The following METTL8 variants were observed in gnomAD, a reference collection of about 807,000 sequenced individuals.
The protein encoded by METTL8 is tRNA N(3)-cytidine methyltransferase METTL8, mitochondrial.
Under a neutral mutation model 48.7 loss-of-function variants are expected in METTL8, and 32 were observed. That is an observed-to-expected ratio of 0.66 (90% CI 0.50 to 0.88). The LOEUF (loss-of-function observed/expected upper bound fraction) is 0.88. Among genes scored for constraint, METTL8 ranks in the 40% least tolerant of loss-of-function variants. The pLI is 0.00. For missense variants in METTL8, 464 were observed against 474.4 expected, an observed-to-expected ratio of 0.98 and a Z score of 0.20; for synonymous variants, 136 against 157.1, an observed-to-expected ratio of 0.87 and a Z score of 1.01.
At chr2:171,388,644 T>C (rs1688299786) in intron 2 of METTL8, among the ~76,000 whole-genome samples, 1 of 152,222 alleles carries the variant, frequency 6.6e-6, no homozygotes, top group South Asian at 2.1e-4. Flanking sequence ...ATATCTTGTA[T>C]AATTATGCTT....
intron 1 of METTL8, among the ~76,000 whole-genome samples, chr2:171,411,222 C>A (rs929948397): frequency 6.6e-6 from 1 of 152,158 alleles, no homozygotes; most frequent in Non-Finnish European, 1.5e-5. Flanking sequence ...TAAATTCTCA[C>A]CAAATCATCT....
chr2:171,343,451 A>AAATAAAT (rs1686978712), intron 3 of METTL8, among the ~76,000 whole-genome samples: 1 of 151,774 alleles, frequency 6.6e-6, no homozygotes, highest in South Asian at 2.1e-4. Context: ...ATAAATAAAT[A>AAATAAAT]AATAAATAAA....
intron 3 of METTL8, among the ~76,000 whole-genome samples, chr2:171,350,582 G>C (rs1683801114): frequency 6.6e-6 from 1 of 152,180 alleles, no homozygotes; most frequent in South Asian, 2.1e-4. Flanking sequence ...CCCACCGACA[G>C]TTTAAAAGTG....
In METTL8 at chr2:171,379,201, T is replaced by C. The variant is rs183474363; in HGVS notation, c.143+12842A>G. Among the ~76,000 whole-genome samples the C allele has an allele frequency of 2.8e-3, 430 of 152,240 alleles. 6 individuals carry two copies. Among genetic ancestry groups the C allele is most frequent in the African/African-American group, 9.7e-3 (403 of 41,548 alleles). The stretch of plus-strand genomic sequence containing the variant: ...TTAAGGCAGAAATCAAAAACTTCTT[T>C]AAAACCAGTGAGAACAAAGAGACAA... On this transcript the variant is annotated intron_variant, in intron 2 of 9. Coordinates refer to ENST00000375258, the MANE Select transcript of METTL8 (RefSeq NM_001321154.2).
rs1684288693 is a variant in METTL8, at chr2:171,316,881, G to C, written c.*7291C>G. Among the ~76,000 whole-genome samples the C allele has an allele frequency of 6.6e-6, 1 of 152,090 alleles. No homozygotes were observed. Among genetic ancestry groups the C allele is most frequent in the Non-Finnish European group, 1.5e-5 (1 of 68,022 alleles). On this transcript the variant is annotated 3_prime_UTR_variant, in exon 10 of 10. Coordinates refer to ENST00000375258, the MANE Select transcript of METTL8 (RefSeq NM_001321154.2). ...AGTGCGAGTGCCAAATGCTGCTTAG[G>C]GGGATATGTCTCTGCTCACCTGAGG...
At chr2:171,385,763 A>C (rs1687991272) in intron 2 of METTL8, among the ~76,000 whole-genome samples, 1 of 152,216 alleles carries the variant, frequency 6.6e-6, no homozygotes, top group Non-Finnish European at 1.5e-5. Flanking sequence ...GAGAGGTGAG[A>C]GGGAAAAGGA....
rs547484267 is a variant in METTL8 at position 171,342,256 on chromosome 2, A to C, written c.236-2702T>G. Among the ~76,000 whole-genome samples, 9 of 152,358 alleles carry C rather than the reference A, an allele frequency of 5.9e-5. No homozygotes were observed. The East Asian group carries it at 1.7e-3, about 29-fold the overall frequency. On this transcript the variant is annotated intron_variant, in intron 3 of 9. Transcript: ENST00000375258. ...CCATCAAGGCTGAATTGTATCTGGC[A>C]GCAGGAATGCTATAAAGACTGAAAC...
At chr2:171,409,992 T>C (rs1690586185) in intron 1 of METTL8, among the ~76,000 whole-genome samples, 1 of 152,114 alleles carries the variant, frequency 6.6e-6, no homozygotes, top group South Asian at 2.1e-4. Context: ...CAGGAAACTA[T>C]ATAAACTTAA....
At chr2:171,354,025 C>T (rs961720917) in intron 3 of METTL8, among the ~76,000 whole-genome samples, 8 of 151,478 alleles carry the variant, frequency 5.3e-5, no homozygotes, top group East Asian at 3.9e-4. Context: ...GTTATTTTGC[C>T]CGTTAGTTGA....
intron 1 of METTL8, among the ~76,000 whole-genome samples, chr2:171,420,747 A>T (rs1478742665): frequency 6.6e-6 from 1 of 152,210 alleles, no homozygotes; most frequent in Non-Finnish European, 1.5e-5. Context: ...AATAGAAAGT[A>T]TATCAATGTA....
chr2:171,359,944 G>T (rs1421098384), intron 3 of METTL8, among the ~76,000 whole-genome samples: 1 of 152,100 alleles, frequency 6.6e-6, no homozygotes, highest in Non-Finnish European at 1.5e-5. Context: ...ATTTATGAAG[G>T]TTGGCAAGGC....
At chr2:171,379,074 C>T (rs748511998) in intron 2 of METTL8, among the ~76,000 whole-genome samples, 10 of 152,182 alleles carry the variant, frequency 6.6e-5, no homozygotes, top group Non-Finnish European at 1.0e-4. Flanking sequence ...GACCACATTA[C>T]AATCAAATTA....
chr2:171,323,968 C>G lies in METTL8; in HGVS notation c.*204G>C. 2.4e-6 allele frequency: 1 copy of G among 425,114 alleles called. No homozygotes were observed. The highest frequency in any genetic ancestry group is 4.1e-6 in the Non-Finnish European group (1 of 243,508). The allele number at this position is 425,114 out of a possible 1,614,324, so 26.3% of individuals were successfully genotyped here. A position where few individuals can be genotyped will look rare whatever the true frequency, so the allele number is the denominator to read the frequency against. On this transcript the variant is annotated 3_prime_UTR_variant, in exon 10 of 10. Coordinates refer to ENST00000375258, the MANE Select transcript of METTL8 (RefSeq NM_001321154.2). ...TAAATTCAAACAAGCTTGAGCATAT[C>G]AAGTTTTCAAAGCACAGAAAAAGGC...
upstream of METTL8, chr2:171,434,201 G>T (rs1316260441): frequency 1.1e-4 from 45 of 399,260 alleles, 1 homozygote; most frequent in Admixed American, 1.2e-3. Context: ...GCTCCCCGCC[G>T]CCTGACGGGA....
chr2:171,375,620 A>T (rs1292034919), intron 2 of METTL8, among the ~76,000 whole-genome samples: 1 of 152,182 alleles, frequency 6.6e-6, no homozygotes, highest in Non-Finnish European at 1.5e-5. Flanking sequence ...TCTTTGGTGA[A>T]GTATCTTAAA....
At chr2:171,372,474 TTC>T (rs1409160614) in intron 2 of METTL8, among the ~76,000 whole-genome samples, 1 of 151,948 alleles carries the variant, frequency 6.6e-6, no homozygotes, top group Admixed American at 6.6e-5. Flanking sequence ...GTACAATAAT[TTC>T]TTTTTATTAT....
At chr2:171,340,498 C>CAAA (rs760579218) in intron 3 of METTL8, among the ~76,000 whole-genome samples, 99 of 42,668 alleles carry the variant, frequency 2.3e-3, no homozygotes, top group Non-Finnish European at 2.8e-3. Context: ...TGAGTTGTCT[C>CAAA]AAAAAAAAAA....
chr2:171,321,480 A>G lies in METTL8; in HGVS notation c.*2692T>C, dbSNP rs1306784458. 1.3e-5 allele frequency: 2 copies of G among 152,204 alleles called. No homozygotes were observed. The highest frequency in any genetic ancestry group is 2.9e-5 in the Non-Finnish European group (2 of 68,056). The allele number at this position is 152,204 out of a possible 1,614,324, so 9.4% of individuals were successfully genotyped here. ...GTTGCCCATTCTGGTGGCATCATCA[A>G]TTAAGCTGCCCTGCCCCAGCCTGTT... On this transcript the variant is annotated 3_prime_UTR_variant, in exon 10 of 10. Coordinates refer to ENST00000375258, the MANE Select transcript of METTL8 (RefSeq NM_001321154.2).
intron 1 of METTL8, among the ~76,000 whole-genome samples, chr2:171,409,769 T>G (rs1487652881): frequency 6.6e-6 from 1 of 152,140 alleles, no homozygotes; most frequent in Non-Finnish European, 1.5e-5. Context: ...GCATCTGGGC[T>G]AGGAATGCAG....
Sources: gnomAD v4.1 joint callset for allele counts (sites outside exome capture counted in the v4.1 genomes callset) on GRCh38, gnomAD v4.1.1 for gene constraint, MANE v1.5 for transcripts, NCBI Gene and HGNC (gene_info 2026-07-23, HGNC 2026-07-21) for gene names.